VPS13A: variants seen among roughly 807,000 people sequenced by gnomAD.
VPS13A encodes vacuolar protein sorting 13 homolog A.
VPS13A carries 264 observed loss-of-function variants against 390.9 expected under a neutral mutation model. The ratio of observed to expected loss-of-function variants is 0.68; its 90% CI spans 0.61 to 0.75. The LOEUF (loss-of-function observed/expected upper bound fraction) is 0.75, where lower values mean the gene tolerates loss of function less well. Among genes scored for constraint, VPS13A ranks in the 30% least tolerant of loss-of-function variants. VPS13A has a pLI of 0.00. For synonymous variants in VPS13A, 1,231 were observed against 1,227.1 expected (o/e 1.00, Z -0.07); for missense variants, 3,409 against 3,733.9 (o/e 0.91, Z 2.27).
intron 59 of VPS13A, 22 bp downstream of exon 59, chr9:77,360,663 T>C (rs779957228): frequency 5.3e-6 from 8 of 1,517,748 alleles, no homozygotes; most frequent in Non-Finnish European, 7.3e-6. Context: ...AATAATAACA[T>C]TTGATGGAAA....
intron 51 of VPS13A, 26 bp downstream of exon 51, chr9:77,344,307 G>A (rs931415963): frequency 5.6e-6 from 9 of 1,608,978 alleles, no homozygotes; most frequent in Non-Finnish European, 6.8e-6. Flanking sequence ...TTTTTTGCAT[G>A]TGTCATTAGG....
At chr9:77,311,325 A>T in intron 35 of VPS13A, among the ~76,000 whole-genome samples, 1 of 152,194 alleles carries the variant, frequency 6.6e-6, no homozygotes, top group East Asian at 1.9e-4. Flanking sequence ...AGCAAATCCC[A>T]GATACTATAC....
chr9:77,223,251 C>T lies in VPS13A; in HGVS notation c.1161+1895C>T, dbSNP rs140708806. 3.9e-4 allele frequency among the ~76,000 whole-genome samples: 59 copies of T among 152,212 alleles called. No individual in the cohort carries two copies. In the East Asian group the frequency reaches 8.9e-3, roughly 23 times the overall value. The stretch of plus-strand genomic sequence containing the variant: ...GTTTTCCTGACTCCCTCTGCTTGGG[C>T]CTCCTTATTCCATGAGATAAAATAT... On this transcript the variant is annotated intron_variant, in intron 13 of 71. Transcript: ENST00000360280.
At chr9:77,375,005 T>G (rs1832989065) in intron 67 of VPS13A, among the ~76,000 whole-genome samples, 1 of 152,098 alleles carries the variant, frequency 6.6e-6, no homozygotes, top group South Asian at 2.1e-4. Context: ...CATTTAGAAT[T>G]AAGGTGGGGG....
At chr9:77,383,593 C>T (rs552687776) in intron 68 of VPS13A, among the ~76,000 whole-genome samples, 20 of 151,944 alleles carry the variant, frequency 1.3e-4, no homozygotes, top group Non-Finnish European at 2.5e-4. Context: ...TAAGTGAGCA[C>T]GTTATGATAC....
At chr9:77,398,223 A>G (rs1834198333) in intron 68 of VPS13A, among the ~76,000 whole-genome samples, 2 of 152,206 alleles carry the variant, frequency 1.3e-5, no homozygotes, top group South Asian at 4.1e-4. Flanking sequence ...AGGGATATCA[A>G]AGACATTTTT....
intron 34 of VPS13A, among the ~76,000 whole-genome samples, chr9:77,304,076 G>A (rs918016079): frequency 6.6e-6 from 1 of 152,190 alleles, no homozygotes; most frequent in Admixed American, 6.5e-5. Context: ...CATATGGGGA[G>A]AAACCTTGGA....
At chr9:77,409,990 T>C (rs1262724219) in intron 71 of VPS13A, among the ~76,000 whole-genome samples, 2 of 151,590 alleles carry the variant, frequency 1.3e-5, no homozygotes, top group Non-Finnish European at 2.9e-5. Context: ...AGACACTTAA[T>C]TGTCAGATTC....
intron 53 of VPS13A, among the ~76,000 whole-genome samples, chr9:77,352,878 A>G (rs572406123): frequency 1.3e-5 from 2 of 152,248 alleles, no homozygotes; most frequent in Non-Finnish European, 2.9e-5. Flanking sequence ...AGAATTTGCT[A>G]TGTTTATCTT....
chr9:77,287,651 G>A lies in VPS13A; in HGVS notation c.3339+4001G>A, dbSNP rs576842335. On this transcript the variant is annotated intron_variant, in intron 31 of 71. Coordinates refer to ENST00000360280, the MANE Select transcript of VPS13A (RefSeq NM_033305.3). ...TGTGACAGGTAATAATTCACGTGGCGTATTAGGATTATCAAGAAATGCTTT... is the reference window on the plus strand; with the variant it reads ...TGTGACAGGTAATAATTCACGTGGCATATTAGGATTATCAAGAAATGCTTT... Among the ~76,000 whole-genome samples, 36 of 152,244 alleles carry A rather than the reference G, an allele frequency of 2.4e-4. No homozygotes were observed. The South Asian group carries it at 5.2e-3, about 22-fold the overall frequency.
intron 45 of VPS13A, among the ~76,000 whole-genome samples, chr9:77,324,896 T>C (rs1436036773): frequency 1.3e-5 from 2 of 151,964 alleles, no homozygotes; most frequent in African/African-American, 4.8e-5. Flanking sequence ...AAAGCAGCAG[T>C]ACCCAACCTT....
intron 10 of VPS13A, among the ~76,000 whole-genome samples, chr9:77,219,158 C>A (rs1377170310): frequency 1.3e-5 from 2 of 151,460 alleles, no homozygotes; most frequent in African/African-American, 2.4e-5. Context: ...TTATTTATTT[C>A]TTCTGCTTTT....
chr9:77,195,300 A>G (rs916376184), intron 1 of VPS13A, among the ~76,000 whole-genome samples: 3 of 152,032 alleles, frequency 2.0e-5, no homozygotes, highest in African/African-American at 7.2e-5. Context: ...ATTTTTTTGT[A>G]TTTTTAGTAG....
At chr9:77,349,196 C>T (rs1384659704) in intron 52 of VPS13A, among the ~76,000 whole-genome samples, 3 of 152,062 alleles carry the variant, frequency 2.0e-5, no homozygotes, top group Non-Finnish European at 4.4e-5. Flanking sequence ...TCCTTTCCTC[C>T]CTCCTTTGTT....
At chr9:77,414,583 C>A (rs1322028780) in intron 71 of VPS13A, among the ~76,000 whole-genome samples, 1 of 150,954 alleles carries the variant, frequency 6.6e-6, no homozygotes, top group East Asian at 2.0e-4. Context: ...ACACCAGGGC[C>A]TGTTATGGGA....
At chr9:77,252,450 A>G in intron 22 of VPS13A, 98 bp downstream of exon 22, 2 of 964,836 alleles carry the variant, frequency 2.1e-6, no homozygotes, top group South Asian at 2.6e-5. Context: ...GTGTGTGGTG[A>G]AATGTATATA....
At chr9:77,340,751 C>T in intron 50 of VPS13A, 1 of 588,376 alleles carries the variant, frequency 1.7e-6, no homozygotes, top group Non-Finnish European at 2.9e-6. Flanking sequence ...ACTAGGAATG[C>T]CCAGCTTGTT....
intron 57 of VPS13A, 61 bp downstream of exon 57, chr9:77,358,499 C>T: frequency 1.5e-6 from 2 of 1,375,132 alleles, no homozygotes; most frequent in Non-Finnish European, 2.1e-6. Flanking sequence ...ATTTACTTTA[C>T]TATAAAAATA....
At chr9:77,284,778 A>G (rs983334233) in intron 31 of VPS13A, among the ~76,000 whole-genome samples, 1 of 151,852 alleles carries the variant, frequency 6.6e-6, no homozygotes, top group Admixed American at 6.6e-5. Context: ...GTCTTGGCTC[A>G]CTGAAACCTC....
Sources: allele counts gnomAD v4.1 joint callset (sites outside exome capture counted in the v4.1 genomes callset), GRCh38; gene constraint gnomAD v4.1.1; transcripts MANE v1.5; gene names NCBI Gene and HGNC (gene_info 2026-07-23, HGNC 2026-07-21).